The following KSR2 variants were observed in gnomAD, a reference collection of about 807,000 sequenced individuals.
KSR2 encodes kinase suppressor of ras 2.
KSR2 carries 25 observed loss-of-function variants against 107.8 expected under a neutral mutation model. The ratio of observed to expected loss-of-function variants is 0.23; its 90% CI spans 0.17 to 0.32. The LOEUF (loss-of-function observed/expected upper bound fraction) is 0.32, where lower values mean the gene tolerates loss of function less well. Ranked by LOEUF, KSR2 falls within the 10% of genes least tolerant of loss-of-function variation. KSR2 has a pLI of 1.00. For missense variants in KSR2, 887 were observed against 1,268.9 expected (o/e 0.70, Z 4.57); for synonymous variants, 480 against 507.0 (o/e 0.95, Z 0.71).
At chr12:117,522,872 C>G (rs377194965) in intron 14 of KSR2, among the ~76,000 whole-genome samples, 1 of 152,202 alleles carries the variant, frequency 6.6e-6, no homozygotes, top group African/African-American at 2.4e-5. Flanking sequence ...AACCCAGCTA[C>G]TGAGTCTGGC....
intron 12 of KSR2, among the ~76,000 whole-genome samples, chr12:117,527,406 G>T (rs998140281): frequency 6.6e-6 from 1 of 151,578 alleles, no homozygotes; most frequent in African/African-American, 2.4e-5. Flanking sequence ...TTGATTTTCC[G>T]GGCTGCTCAG....
chr12:117,482,559 G>A (rs949339966), intron 16 of KSR2, among the ~76,000 whole-genome samples: 5 of 152,164 alleles, frequency 3.3e-5, no homozygotes, highest in Non-Finnish European at 7.4e-5. Context: ...GGCAGGGGTG[G>A]GAGGGGCTGC....
intron 3 of KSR2, among the ~76,000 whole-genome samples, chr12:117,827,034 CAAAA>C (rs58583797): frequency 2.9e-5 from 3 of 103,590 alleles, no homozygotes; most frequent in African/African-American, 3.7e-5. Context: ...GACCCTGTCT[CAAAA>C]AAAAAAAAAA....
chr12:117,526,801 G>A (rs898783244), intron 13 of KSR2, among the ~76,000 whole-genome samples: 2 of 152,220 alleles, frequency 1.3e-5, no homozygotes, highest in Admixed American at 1.3e-4. Flanking sequence ...ACCCGGCCCT[G>A]AGCTGATCTT....
In KSR2 at chr12:117,958,779, C is replaced by T. The variant is rs539970930; in HGVS notation, c.180+9297G>A. On this transcript the variant is annotated intron_variant, in intron 1 of 19. Coordinates refer to ENST00000339824, the MANE Select transcript of KSR2 (RefSeq NM_173598.6). ...GAGGTTGTAGTGAGCGGAGATCACG[C>T]CACTGCGCTCCAGCCTGGGTGACAG... 3.3e-5 allele frequency among the ~76,000 whole-genome samples: 5 copies of T among 152,238 alleles called. No homozygotes were observed. The South Asian group carries it at 8.3e-4, about 25-fold the overall frequency.
At chr12:117,527,577 G>A (rs945709582) in intron 12 of KSR2, among the ~76,000 whole-genome samples, 4 of 152,172 alleles carry the variant, frequency 2.6e-5, no homozygotes, top group Non-Finnish European at 4.4e-5. Flanking sequence ...TTTCTTGGAA[G>A]GATCTCAGTG....
intron 5 of KSR2, among the ~76,000 whole-genome samples, chr12:117,603,000 T>C (rs1263949491): frequency 6.6e-6 from 1 of 152,196 alleles, no homozygotes; most frequent in Non-Finnish European, 1.5e-5. Context: ...CCTAAACAGC[T>C]GGCAAATTGA....
At chr12:117,887,230 T>G (rs1359119145) in intron 1 of KSR2, among the ~76,000 whole-genome samples, 1 of 152,080 alleles carries the variant, frequency 6.6e-6, no homozygotes, top group East Asian at 1.9e-4. Flanking sequence ...AGCCGGATTT[T>G]TTTTTCTTTT....
chr12:117,666,482 A>T (rs1182068568), intron 5 of KSR2, among the ~76,000 whole-genome samples: 1 of 152,220 alleles, frequency 6.6e-6, no homozygotes, highest in Non-Finnish European at 1.5e-5. Flanking sequence ...CAGCTCAAAT[A>T]CTCAACACCT....
chr12:117,529,056 G>A (rs532322437), intron 12 of KSR2, among the ~76,000 whole-genome samples: 1 of 152,302 alleles, frequency 6.6e-6, no homozygotes, highest in African/African-American at 2.4e-5. Flanking sequence ...TACCATGTAA[G>A]TCTTTAACAA....
chr12:117,682,621 G>C (rs544791289), intron 4 of KSR2, among the ~76,000 whole-genome samples: 1 of 152,050 alleles, frequency 6.6e-6, no homozygotes, highest in Non-Finnish European at 1.5e-5. Context: ...GTTTCTCCAT[G>C]TTGGTCAGGC....
intron 1 of KSR2, among the ~76,000 whole-genome samples, chr12:117,947,046 G>C (rs549380904): frequency 6.6e-6 from 1 of 151,696 alleles, no homozygotes; most frequent in African/African-American, 2.4e-5. Context: ...GTGCATGCCT[G>C]TAATCCCAGC....
chr12:117,506,378 T>G (rs974084351), intron 14 of KSR2, among the ~76,000 whole-genome samples: 4 of 152,188 alleles, frequency 2.6e-5, no homozygotes, highest in African/African-American at 9.7e-5. Context: ...AAATGACATT[T>G]CTCTTTCCAG....
At position 117,785,352 on chromosome 12, in the gene KSR2, T is replaced by G. The variant is rs1158580211; in HGVS notation, c.473-23828A>C. 3.7e-5 allele frequency among the ~76,000 whole-genome samples: 5 copies of G among 136,464 alleles called. No individual in the cohort carries two copies. The South Asian group carries it at 1.2e-3, about 31-fold the overall frequency. 89.5% of individuals were successfully genotyped at this position (136,464 alleles called of 152,430 possible). A position where few individuals can be genotyped will look rare whatever the true frequency, so the allele number is the denominator to read the frequency against. ...ATTGCTTGAACCCGGGAGGTGAAGG[T>G]TGCAGTGAGCCAAGATCCTGCCACT... is the stretch of plus-strand genomic sequence containing the variant. On this transcript the variant is annotated intron_variant, in intron 3 of 19. Transcript: ENST00000339824.
chr12:117,725,782 C>T (rs1887401594), intron 4 of KSR2, among the ~76,000 whole-genome samples: 1 of 152,042 alleles, frequency 6.6e-6, no homozygotes, highest in Admixed American at 6.5e-5. Context: ...CCTGTCTCTA[C>T]TAAAAAATAC....
intron 4 of KSR2, among the ~76,000 whole-genome samples, chr12:117,712,296 G>A (rs1436624786): frequency 1.3e-5 from 2 of 152,182 alleles, no homozygotes; most frequent in Admixed American, 1.3e-4. Flanking sequence ...GGGAAGTAGT[G>A]GAAAATCTTC....
At chr12:117,688,178 G>T (rs935299999) in intron 4 of KSR2, among the ~76,000 whole-genome samples, 4 of 152,182 alleles carry the variant, frequency 2.6e-5, no homozygotes, top group African/African-American at 9.7e-5. Flanking sequence ...TCAGGAGTTC[G>T]ATACCAGCCT....
intron 3 of KSR2, among the ~76,000 whole-genome samples, chr12:117,850,724 G>T (rs1191778831): frequency 1.3e-5 from 2 of 151,268 alleles, no homozygotes; most frequent in African/African-American, 4.9e-5. Context: ...TGGGGGGATC[G>T]CTTGACCCCA....
chr12:117,507,819 A>G (rs998902129), intron 14 of KSR2, among the ~76,000 whole-genome samples: 3 of 152,206 alleles, frequency 2.0e-5, no homozygotes, highest in African/African-American at 7.2e-5. Flanking sequence ...TTAATGGGGT[A>G]TAAAATAGGC....
Sources: allele counts gnomAD v4.1 joint callset (sites outside exome capture counted in the v4.1 genomes callset), GRCh38; gene constraint gnomAD v4.1.1; transcripts MANE v1.5; gene names NCBI Gene and HGNC (gene_info 2026-07-23, HGNC 2026-07-21).